CLDN16: variants seen among roughly 807,000 people sequenced by gnomAD.
The protein encoded by CLDN16 is claudin-16.
CLDN16 carries 13 observed loss-of-function variants against 24.6 expected under a neutral mutation model. That is an observed-to-expected ratio of 0.53 (90% confidence interval 0.34 to 0.84). The LOEUF (loss-of-function observed/expected upper bound fraction) is 0.84. Among genes scored for constraint, CLDN16 ranks in the 40% least tolerant of loss-of-function variants. The pLI, the probability that CLDN16 is intolerant of heterozygous loss-of-function variation, is 0.01. For missense variants in CLDN16, 298 were observed against 292.7 expected (o/e 1.02, Z -0.13); for synonymous variants, 116 against 106.7 (o/e 1.09, Z -0.54).
intron 1 of CLDN16, among the ~76,000 whole-genome samples, chr3:190,357,015 A>G (rs191285295): frequency 6.6e-6 from 1 of 152,076 alleles, no homozygotes. Flanking sequence ...GTTCACTGTT[A>G]AAAATCCTGT....
upstream of CLDN16, chr3:190,387,959 C>T (rs1014212525): frequency 1.6e-5 from 11 of 687,136 alleles, no homozygotes; most frequent in Non-Finnish European, 2.8e-5. Flanking sequence ...GGGTGGGACC[C>T]TTCCTCCTTC....
At chr3:190,322,143 T>G (rs1013392226), upstream of CLDN16, 1 of 1,614,164 alleles carries the variant, frequency 6.2e-7, no homozygotes, top group African/African-American at 1.3e-5. Context: ...GTGCTGACGA[T>G]GGCGCCGATC....
At chr3:190,319,556 A>T (rs1227782970), upstream of CLDN16, among the ~76,000 whole-genome samples, 1 of 152,158 alleles carries the variant, frequency 6.6e-6, no homozygotes, top group Non-Finnish European at 1.5e-5. Context: ...GACCTACCCT[A>T]CATAAAGCAG....
At chr3:190,389,706 G>A (rs1718601271) in intron 1 of CLDN16, among the ~76,000 whole-genome samples, 1 of 152,108 alleles carries the variant, frequency 6.6e-6, no homozygotes, top group African/African-American at 2.4e-5. Context: ...ATGAATATAT[G>A]CAAAGAATGA....
chr3:190,363,647 C>A (rs1717956192), intron 1 of CLDN16, among the ~76,000 whole-genome samples: 1 of 136,752 alleles, frequency 7.3e-6, no homozygotes, highest in Non-Finnish European at 1.5e-5. Flanking sequence ...CAATTAGTTA[C>A]TTGCAAGAGT....
chr3:190,294,083 T>C, the CLDN16 span, among the ~76,000 whole-genome samples: 1 of 152,332 alleles, frequency 6.6e-6, no homozygotes, highest in Non-Finnish European at 1.5e-5. Context: ...AGAGGCTGTC[T>C]ATTGTCCTGA....
At chr3:190,375,456 T>G (rs1718226215) in intron 3 of CLDN16, among the ~76,000 whole-genome samples, 1 of 151,914 alleles carries the variant, frequency 6.6e-6, no homozygotes, top group Non-Finnish European at 1.5e-5. Flanking sequence ...AGGAAGTACC[T>G]CATACATGAC....
intron 2 of CLDN16, among the ~76,000 whole-genome samples, chr3:190,403,712 G>A (rs575446989): frequency 5.1e-4 from 77 of 152,198 alleles, no homozygotes; most frequent in African/African-American, 1.7e-3. Flanking sequence ...AGTTGGGTGC[G>A]TGGAACATTT....
intron 1 of CLDN16, among the ~76,000 whole-genome samples, chr3:190,393,741 A>G (rs1001749442): frequency 2.6e-5 from 3 of 114,240 alleles, no homozygotes; most frequent in Non-Finnish European, 3.6e-5. Context: ...TAAAGCTGTC[A>G]TTTGCCTTTT....
chr3:190,310,342 G>A, the CLDN16 span: 2 of 950,976 alleles, frequency 2.1e-6, no homozygotes, highest in Non-Finnish European at 3.4e-6. Context: ...TATTTTGCAA[G>A]AATTAAATCT....
chr3:190,331,674 G>A (rs1421405338), intron 1 of CLDN16, among the ~76,000 whole-genome samples: 1 of 152,132 alleles, frequency 6.6e-6, no homozygotes, highest in Non-Finnish European at 1.5e-5. Context: ...TGACTACACG[G>A]ATAGTCTCTG....
chr3:190,300,804 C>T, the CLDN16 span, among the ~76,000 whole-genome samples: 2 of 152,240 alleles, frequency 1.3e-5, no homozygotes, highest in African/African-American at 4.8e-5. Context: ...CGTTTGGTTT[C>T]TATCACATTA....
the CLDN16 span, chr3:190,310,271 A>T: frequency 1.3e-6 from 2 of 1,593,710 alleles, no homozygotes; most frequent in Non-Finnish European, 1.7e-6. Context: ...AATTCAAAAC[A>T]AAAGACTGTT....
intron 1 of CLDN16, among the ~76,000 whole-genome samples, chr3:190,339,607 G>A (rs557243889): frequency 2.0e-5 from 3 of 152,166 alleles, no homozygotes; most frequent in Non-Finnish European, 4.4e-5. Context: ...CATACATTAG[G>A]TAAACTTGTA....
chr3:190,395,712 A>G (rs1348089513), intron 1 of CLDN16, among the ~76,000 whole-genome samples: 1 of 152,078 alleles, frequency 6.6e-6, no homozygotes, highest in African/African-American at 2.4e-5. Flanking sequence ...TACAATTTGT[A>G]TATGCAAGGT....
At chr3:190,296,161 G>C in the CLDN16 span, among the ~76,000 whole-genome samples, 2 of 152,158 alleles carry the variant, frequency 1.3e-5, no homozygotes, top group Non-Finnish European at 2.9e-5. Context: ...CTAAACATTT[G>C]TGATACAATG....
chr3:190,393,629 G>A (rs927701317), intron 1 of CLDN16, among the ~76,000 whole-genome samples: 7 of 152,072 alleles, frequency 4.6e-5, no homozygotes, highest in Admixed American at 1.3e-4. Context: ...TGGAGAAGGA[G>A]ATGACATTTT....
chr3:190,383,551 T>C (rs1261856893), upstream of CLDN16, among the ~76,000 whole-genome samples: 1 of 152,154 alleles, frequency 6.6e-6, no homozygotes, highest in Non-Finnish European at 1.5e-5. Flanking sequence ...AAGGAAGCGG[T>C]ATCTTTGTGC....
intron 1 of CLDN16, among the ~76,000 whole-genome samples, chr3:190,338,767 T>C (rs1717365677): frequency 6.6e-6 from 1 of 152,224 alleles, no homozygotes. Flanking sequence ...CAACTCAAAT[T>C]CTGAAGAAGC....
Sources: gnomAD v4.1 joint callset for allele counts (sites outside exome capture counted in the v4.1 genomes callset) on GRCh38, gnomAD v4.1.1 for gene constraint, MANE v1.5 for transcripts, NCBI Gene and HGNC (gene_info 2026-07-23, HGNC 2026-07-21) for gene names.